The following PTCD3 variants were observed in gnomAD, a reference collection of about 807,000 sequenced individuals.
The protein encoded by PTCD3 is pentatricopeptide repeat domain 3, also known as small ribosomal subunit protein mS39.
PTCD3 carries 89 observed loss-of-function variants against 101.9 expected under a neutral mutation model. The observed-to-expected ratio is 0.87, with a 90% CI of 0.74 to 1.04. The LOEUF (loss-of-function observed/expected upper bound fraction) is 1.04, where lower values mean the gene tolerates loss of function less well. PTCD3 is among the 50% of genes least tolerant of loss of function. PTCD3 has a pLI of 0.00. For synonymous variants in PTCD3, 296 were observed against 278.5 expected, an observed-to-expected ratio of 1.06 and a Z score of -0.63; for missense variants, 870 against 828.2, an observed-to-expected ratio of 1.05 and a Z score of -0.62.
intron 17 of PTCD3, chr2:86,132,708 T>C (rs1674515098): frequency 8.8e-6 from 3 of 342,242 alleles, no homozygotes; most frequent in Non-Finnish European, 1.1e-5. Flanking sequence ...CAAATTGTTA[T>C]AGCAGGGTGA....
intron 16 of PTCD3, 123 bp from the exon 17 acceptor site, chr2:86,132,195 G>C (rs920929955): frequency 1.7e-6 from 1 of 571,936 alleles, no homozygotes; most frequent in Non-Finnish European, 3.1e-6. Context: ...TAACTTACTT[G>C]CTGTCAACCA....
Position 86,137,634 on chromosome 2 carries a change from T to C in PTCD3, c.*75T>C. ...ACACCTGAGAACTGAGATATACCAA[T>C]ATTTAACATTGTTACAAAGAAGAAA... is the stretch of plus-strand genomic sequence containing the variant. On this transcript the variant is annotated 3_prime_UTR_variant, in exon 24 of 24. Transcript: ENST00000254630. 6.3e-7 allele frequency: 1 copy of C among 1,585,812 alleles called. No individual in the cohort carries two copies. The highest frequency in any genetic ancestry group is 8.6e-7 in the Non-Finnish European group (1 of 1,165,422).
At chr2:86,116,293 T>C (rs1018401022) in intron 4 of PTCD3, among the ~76,000 whole-genome samples, 1 of 152,214 alleles carries the variant, frequency 6.6e-6, no homozygotes, top group Admixed American at 6.5e-5. Flanking sequence ...CCTAGCCCTT[T>C]GTAAGGCAGA....
At chr2:86,106,475 TGCCCTTAAGACCAGGTACGCGGAGGTG>T in intron 1 of PTCD3, 124 bp downstream of exon 1, 1 of 932,974 alleles carries the variant, frequency 1.1e-6, no homozygotes, top group Non-Finnish European at 1.6e-6. Context: ...AACGGTCGCG[TGCCCTTAAGACCAGGTACGCGGAGGTG>T]GCCCTTTGAA....
At chr2:86,108,851 TTC>T (rs755804256) in intron 3 of PTCD3, 59 of 268,396 alleles carry the variant, frequency 2.2e-4, no homozygotes, top group Non-Finnish European at 3.6e-4. Context: ...TTCAAGGAAG[TTC>T]TCTCATATGA....
In PTCD3 at chr2:86,141,574, A is replaced by T. The variant is rs890469927; in HGVS notation, c.*4015A>T. 1.3e-5 allele frequency: 2 copies of T among 152,214 alleles called. No individual in the cohort carries two copies. The highest frequency in any genetic ancestry group is 4.8e-5 in the African/African-American group (2 of 41,462). 9.4% of individuals were successfully genotyped at this position (152,214 alleles called of 1,614,324 possible). A position where few individuals can be genotyped will look rare whatever the true frequency, so the allele number is the denominator to read the frequency against. On this transcript the variant is annotated 3_prime_UTR_variant, in exon 24 of 24. Transcript: ENST00000254630. ...TGGTGTGCCTTAAAGACAGTCTAAAATTAGGTTTTAGTTTGTTACATTATT... is the reference window on the plus strand; with the variant it reads ...TGGTGTGCCTTAAAGACAGTCTAAATTTAGGTTTTAGTTTGTTACATTATT...
chr2:86,123,618 G>C, intron 8 of PTCD3, 83 bp from the exon 9 acceptor site: 1 of 1,046,920 alleles, frequency 9.6e-7, no homozygotes, highest in East Asian at 2.6e-5. Flanking sequence ...AGTTCCCTTT[G>C]CCTTTCTGAT....
Position 86,127,949 on chromosome 2 carries a change from C to T in PTCD3, c.1105C>T (p.Leu369Phe), listed in dbSNP as rs1674425932. 6.2e-7 allele frequency: 1 copy of T among 1,610,384 alleles called. No individual in the cohort carries two copies. The highest frequency in any genetic ancestry group is 8.5e-7 in the Non-Finnish European group (1 of 1,176,720). The change falls in exon 14 of 24, where the codon CTT (leucine) becomes TTT (phenylalanine). Residue 369 changes from leucine (L) to phenylalanine (F), a missense_variant. Coordinates refer to ENST00000254630, the MANE Select transcript of PTCD3 (RefSeq NM_017952.6). ...CTACCTGGTAATTTGAGAACCCTCG[C>T]TTGCAACATATCACCATATTATTCG... ...EMKAIGIEPSLATYHHIIRLF... is the reference protein window; with the variant it reads ...EMKAIGIEPSFATYHHIIRLF...
At chr2:86,129,073 T>C (rs1674449032) in intron 14 of PTCD3, among the ~76,000 whole-genome samples, 1 of 152,032 alleles carries the variant, frequency 6.6e-6, no homozygotes, top group South Asian at 2.1e-4. Flanking sequence ...CTCACCTGTA[T>C]AGGCAAATTT....
At chr2:86,131,160 C>T in intron 16 of PTCD3, 54 bp downstream of exon 16, 1 of 1,353,950 alleles carries the variant, frequency 7.4e-7, no homozygotes. Context: ...TTATCTGTAA[C>T]TGGAGGGTTC....
chr2:86,127,128 A>T (rs750718848), intron 12 of PTCD3, 33 bp from the exon 13 acceptor site: 1 of 1,581,140 alleles, frequency 6.3e-7, no homozygotes, highest in East Asian at 2.2e-5. Context: ...TTACCCAGGC[A>T]TGAAAGATAC....
At chr2:86,135,044 A>C in intron 21 of PTCD3, 57 bp downstream of exon 21, 3 of 1,531,854 alleles carry the variant, frequency 2.0e-6, no homozygotes, top group Non-Finnish European at 2.7e-6. Flanking sequence ...AATCTAAAAC[A>C]TTGGCCCACG....
intron 13 of PTCD3, chr2:86,127,684 C>T (rs1164938106): frequency 1.0e-5 from 5 of 499,720 alleles, no homozygotes; most frequent in Non-Finnish European, 1.8e-5. Context: ...CAATTCACTT[C>T]AATATATTTT....
At position 86,111,134 on chromosome 2, in the gene PTCD3, G is replaced by T; in HGVS notation, c.216G>T (p.Gln72His). Residue 72 changes from glutamine (Q) to histidine (H), a missense_variant, in exon 4 of 24, where the codon CAG (glutamine) becomes CAT (histidine). Coordinates refer to ENST00000254630, the MANE Select transcript of PTCD3 (RefSeq NM_017952.6). ...KKTWDKVAVL[Q>H]ALASTVNRDT... ...TTAGGGATAAAGTAGCCGTTCTTCAGGCACTTGCATCCACAGTAAACAGGG... is the reference window on the plus strand; with the variant it reads ...TTAGGGATAAAGTAGCCGTTCTTCATGCACTTGCATCCACAGTAAACAGGG... 3.1e-6 allele frequency: 5 copies of T among 1,613,750 alleles called. No homozygotes were observed. Among genetic ancestry groups the T allele is most frequent in the Non-Finnish European group, 4.2e-6 (5 of 1,179,718 alleles).
rs1041163114 is a variant in PTCD3 at position 86,138,245 on chromosome 2, A to G, written c.*686A>G. 3 of 151,992 alleles carry G rather than the reference A, an allele frequency of 2.0e-5. No individual in the cohort carries two copies. The highest frequency in any genetic ancestry group is 2.9e-5 in the Non-Finnish European group (2 of 68,092). The allele number at this position is 151,992 out of a possible 1,614,324, so 9.4% of individuals were successfully genotyped here. A position where few individuals can be genotyped will look rare whatever the true frequency, so the allele number is the denominator to read the frequency against. On this transcript the variant is annotated 3_prime_UTR_variant, in exon 24 of 24. Transcript: ENST00000254630. Reference sequence around the variant, plus strand: ...TTTGTCTATAGCTGTTACCTATTTTAGTGGTTGAAATGAGAGCTAGTGATG... The same window carrying G: ...TTTGTCTATAGCTGTTACCTATTTTGGTGGTTGAAATGAGAGCTAGTGATG...
At chr2:86,117,526 C>T (rs563181935) in intron 6 of PTCD3, among the ~76,000 whole-genome samples, 4 of 151,648 alleles carry the variant, frequency 2.6e-5, no homozygotes, top group South Asian at 2.1e-4. Context: ...TAGCTCATTG[C>T]AGCCTGGAAC....
chr2:86,125,303 G>T, intron 10 of PTCD3, 152 bp from the exon 11 acceptor site: 5 of 1,068,856 alleles, frequency 4.7e-6, no homozygotes, highest in Non-Finnish European at 6.8e-6. Context: ...ATTACCAGTG[G>T]ATAGAAAATC....
chr2:86,125,069 G>A lies in PTCD3; in HGVS notation c.791G>A (p.Arg264Gln), dbSNP rs146417982. ...GAACATTCCTATTGCACAATGATCC[G>A]AGGAATGGTGAAGGTACATTTGTTT... ...KNEHSYCTMI[R>Q]GMVKHRAYEQ... The change falls in exon 10 of 24, where the codon CGA (arginine) becomes CAA (glutamine). Residue 264 changes from arginine (R) to glutamine (Q), a missense_variant. Coordinates refer to ENST00000254630, the MANE Select transcript of PTCD3 (RefSeq NM_017952.6). 1.1e-5 allele frequency: 17 copies of A among 1,613,764 alleles called. No individual in the cohort carries two copies. Among genetic ancestry groups the A allele is most frequent in the East Asian group, 8.9e-5 (4 of 44,878 alleles).
At chr2:86,108,214 CT>C (rs1440557260) in intron 1 of PTCD3, 135 bp from the exon 2 acceptor site, 22 of 927,426 alleles carry the variant, frequency 2.4e-5, no homozygotes, top group Non-Finnish European at 3.4e-5. Context: ...AGACTGTCTT[CT>C]CAGCGTTCAT....
Sources: allele counts gnomAD v4.1 joint callset (sites outside exome capture counted in the v4.1 genomes callset), GRCh38; gene constraint gnomAD v4.1.1; transcripts MANE v1.5; gene names NCBI Gene and HGNC (gene_info 2026-07-23, HGNC 2026-07-21).